Variants in FKBP3 observed in about 807,000 individuals in gnomAD.
The protein encoded by FKBP3 is peptidyl-prolyl cis-trans isomerase FKBP3.
Under a neutral mutation model 30.6 loss-of-function variants are expected in FKBP3, and 21 were observed. That is an observed-to-expected ratio of 0.69 (90% CI 0.49 to 0.99). The LOEUF (loss-of-function observed/expected upper bound fraction) is 0.99. Ranked by LOEUF, FKBP3 falls within the 50% of genes least tolerant of loss-of-function variation. The probability of loss-of-function intolerance (pLI) is 0.00; values close to 1 mark genes in which losing one functional copy is unlikely to be tolerated. For missense variants in FKBP3, 283 were observed against 261.6 expected, an observed-to-expected ratio of 1.08 and a Z score of -0.56; for synonymous variants, 82 against 91.3, an observed-to-expected ratio of 0.90 and a Z score of 0.58.
intron 3 of FKBP3, among the ~76,000 whole-genome samples, chr14:45,126,482 C>T (rs959309212): frequency 6.6e-6 from 1 of 151,354 alleles, no homozygotes; most frequent in South Asian, 2.1e-4. Flanking sequence ...AGCGTGACCC[C>T]GTCTCAAAAA....
intron 1 of FKBP3, 91 bp downstream of exon 1, chr14:45,134,258 G>A: frequency 9.5e-7 from 1 of 1,048,254 alleles, no homozygotes; most frequent in Non-Finnish European, 1.4e-6. Flanking sequence ...CGAGGGCGGG[G>A]GCACAGAGGA....
chr14:45,123,829 A>G (rs921705984), intron 3 of FKBP3, among the ~76,000 whole-genome samples: 2 of 151,508 alleles, frequency 1.3e-5, no homozygotes, highest in African/African-American at 4.8e-5. Context: ...CATGTTAGCC[A>G]GGATGGTCTC....
In FKBP3 at chr14:45,119,305, C is replaced by T. The variant is rs529577783; in HGVS notation, c.523-1180G>A. On this transcript the variant is annotated intron_variant, in intron 5 of 6. Coordinates refer to ENST00000396062, the MANE Select transcript of FKBP3 (RefSeq NM_002013.4). ...GGTAGACTAGCCGGGCAAGGTGGCT[C>T]GTGCCTGTAATCCCAGCACTTTGGG... Among the ~76,000 whole-genome samples the T allele has an allele frequency of 3.9e-5, 6 of 152,196 alleles. No homozygotes were observed. The South Asian group carries it at 6.2e-4, about 16-fold the overall frequency.
intron 3 of FKBP3, among the ~76,000 whole-genome samples, chr14:45,126,873 T>C (rs1000219598): frequency 3.3e-5 from 5 of 152,038 alleles, no homozygotes; most frequent in African/African-American, 1.2e-4. Context: ...TGGAGTGCAG[T>C]GGCGCAATCT....
Position 45,119,689 on chromosome 14 carries a change from AT to A in FKBP3, c.522+1197del, listed in dbSNP as rs1388630873. Among the ~76,000 whole-genome samples, 471 of 143,530 alleles carry A rather than the reference AT, an allele frequency of 3.3e-3. 3 individuals carry two copies. The highest frequency in any genetic ancestry group is 4.7e-3 in the African/African-American group (184 of 39,344). The allele number at this position is 143,530 out of a possible 152,430, so 94.2% of individuals were successfully genotyped here. A position where few individuals can be genotyped will look rare whatever the true frequency, so the allele number is the denominator to read the frequency against. ...ATCAACTTGGTACGGGCAGGTAACA[AT>A]TTTTTTTTTTTTTTTGAGATGGAGT... On this transcript the variant is annotated intron_variant, in intron 5 of 6. Transcript: ENST00000396062.
intron 1 of FKBP3, 134 bp downstream of exon 1, chr14:45,134,215 C>G (rs547561453): frequency 5.4e-6 from 4 of 742,176 alleles, no homozygotes; most frequent in South Asian, 5.2e-5. Context: ...AGCTGGGCCT[C>G]TCCGGCCTTC....
At chr14:45,124,200 A>G (rs1030182729) in intron 3 of FKBP3, among the ~76,000 whole-genome samples, 5 of 152,066 alleles carry the variant, frequency 3.3e-5, no homozygotes, top group African/African-American at 9.7e-5. Flanking sequence ...TGTCTTTTCC[A>G]TGACCTTCTC....
At chr14:45,122,795 G>A (rs993130367) in intron 3 of FKBP3, among the ~76,000 whole-genome samples, 1 of 151,886 alleles carries the variant, frequency 6.6e-6, no homozygotes, top group Non-Finnish European at 1.5e-5. Flanking sequence ...GAGCCACCGC[G>A]CCTGGCCTAT....
At chr14:45,116,967 T>C (rs1432683359) in intron 6 of FKBP3, among the ~76,000 whole-genome samples, 2 of 151,762 alleles carry the variant, frequency 1.3e-5, no homozygotes, top group African/African-American at 2.4e-5. Flanking sequence ...AGCTGACCAT[T>C]TGATTTCCCC....
intron 6 of FKBP3, among the ~76,000 whole-genome samples, chr14:45,117,022 A>C (rs929161459): frequency 1.3e-5 from 2 of 148,980 alleles, no homozygotes; most frequent in Non-Finnish European, 3.0e-5. Context: ...TCCAGGCTGG[A>C]GTGCAGTGGC....
At position 45,117,512 on chromosome 14, in the gene FKBP3, TATC is replaced by T. The variant is rs563857842; in HGVS notation, c.620+513_620+515del. On this transcript the variant is annotated intron_variant, in intron 6 of 6. Transcript: ENST00000396062. Reference sequence around the variant, plus strand: ...TTTTTAAATGTTCACAAACTGGACTTATCAGTGAGTATTGTCATTAGTAGTAAT... The same window carrying T: ...TTTTTAAATGTTCACAAACTGGACTTAGTGAGTATTGTCATTAGTAGTAAT... Among the ~76,000 whole-genome samples, 185 of 152,324 alleles carry T rather than the reference TATC, an allele frequency of 1.2e-3. 1 individual carries two copies. Among genetic ancestry groups the T allele is most frequent in the African/African-American group, 4.3e-3 (178 of 41,566 alleles).
intron 1 of FKBP3, among the ~76,000 whole-genome samples, chr14:45,133,171 A>G (rs944424008): frequency 1.3e-5 from 2 of 152,164 alleles, no homozygotes; most frequent in African/African-American, 4.8e-5. Context: ...AATAAAATAT[A>G]AGCTTCTCAA....
intron 1 of FKBP3, chr14:45,133,398 C>T (rs903703082): frequency 5.8e-5 from 14 of 243,072 alleles, no homozygotes; most frequent in African/African-American, 1.9e-4. Flanking sequence ...ACCCGGGAGG[C>T]GGAGGTTGCA....
At chr14:45,133,593 C>G (rs1257361924) in intron 1 of FKBP3, among the ~76,000 whole-genome samples, 2 of 152,180 alleles carry the variant, frequency 1.3e-5, no homozygotes, top group African/African-American at 4.8e-5. Flanking sequence ...ACTATTTCAG[C>G]AATTTAACAG....
At chr14:45,132,726 C>T (rs1423662305) in intron 1 of FKBP3, among the ~76,000 whole-genome samples, 1 of 151,488 alleles carries the variant, frequency 6.6e-6, no homozygotes, top group African/African-American at 2.4e-5. Context: ...TGAGCCACCA[C>T]GACCGACCGA....
chr14:45,124,258 CA>C (rs1885049398), intron 3 of FKBP3, among the ~76,000 whole-genome samples: 1 of 152,074 alleles, frequency 6.6e-6, no homozygotes, highest in Non-Finnish European at 1.5e-5. Context: ...CAGCTGGGCG[CA>C]GTTACTCACA....
intron 6 of FKBP3, 45 bp downstream of exon 6, chr14:45,117,983 G>T (rs963431963): frequency 1.1e-5 from 12 of 1,053,596 alleles, no homozygotes; most frequent in East Asian, 3.0e-5. Flanking sequence ...TGATCTAGAC[G>T]TTTTTTTTTT....
chr14:45,124,893 G>A (rs1378542505), intron 3 of FKBP3, among the ~76,000 whole-genome samples: 1 of 152,152 alleles, frequency 6.6e-6, no homozygotes, highest in African/African-American at 2.4e-5. Flanking sequence ...AATAAGAGAA[G>A]TTACAGAATC....
chr14:45,125,206 G>A lies in FKBP3; in HGVS notation c.319-3586C>T, dbSNP rs8022866. ...GTTGGGATTACAGGCGTGAGCCACAGTGCCCAGCCAGATTTGTGTTTTAAA... is the reference window on the plus strand; with the variant it reads ...GTTGGGATTACAGGCGTGAGCCACAATGCCCAGCCAGATTTGTGTTTTAAA... On this transcript the variant is annotated intron_variant, in intron 3 of 6. Transcript: ENST00000396062. Among the ~76,000 whole-genome samples the A allele has an allele frequency of 2.8e-3, 433 of 152,328 alleles. 2 individuals carry two copies. The highest frequency in any genetic ancestry group is 0.01 in the African/African-American group (419 of 41,560).
Sources: gnomAD v4.1 joint callset for allele counts (sites outside exome capture counted in the v4.1 genomes callset) on GRCh38, gnomAD v4.1.1 for gene constraint, MANE v1.5 for transcripts, NCBI Gene and HGNC (gene_info 2026-07-23, HGNC 2026-07-21) for gene names.